GTF2IRD1: variants seen among roughly 807,000 people sequenced by gnomAD.
GTF2IRD1 encodes the protein general transcription factor II-I repeat domain-containing protein 1.
Under a neutral mutation model 113.2 loss-of-function variants are expected in GTF2IRD1, and 26 were observed. The ratio of observed to expected loss-of-function variants is 0.23; its 90% CI spans 0.17 to 0.32. GTF2IRD1 has a LOEUF of 0.32. Among genes scored for constraint, GTF2IRD1 ranks in the 10% least tolerant of loss-of-function variants. The pLI is 1.00. For synonymous variants in GTF2IRD1, 484 were observed against 529.1 expected (o/e 0.91, Z 1.17); for missense variants, 864 against 1,280.8 (o/e 0.67, Z 4.97).
rs782346208 is a variant in GTF2IRD1 at position 74,529,756 on chromosome 7, C to T, written c.1113C>T (p.His371=). Residue 371 remains histidine, a synonymous_variant, in exon 9 of 27, where the codon CAC becomes CAT. Transcript: ENST00000424337. ...SRYAEALGLD[H]MVPVPYRKIA... is the part of the protein sequence containing the mutation. ...CAGCGGAAGCCCTGGGCCTGGACCA[C>T]ATGGTCCCCGTGCCCTACCGGAAGA... 1.9e-5 allele frequency: 30 copies of T among 1,614,072 alleles called. No individual in the cohort carries two copies. In the South Asian group the frequency reaches 3.0e-4, roughly 16 times the overall value.
intron 22 of GTF2IRD1, among the ~76,000 whole-genome samples, chr7:74,572,880 C>T (rs1176265643): frequency 2.0e-5 from 3 of 152,252 alleles, no homozygotes; most frequent in South Asian, 4.1e-4. Context: ...ATCTGCGGGG[C>T]GGGGCTTGGA....
intron 1 of GTF2IRD1, among the ~76,000 whole-genome samples, chr7:74,491,481 C>T (rs1795341409): frequency 6.8e-6 from 1 of 147,772 alleles, no homozygotes; most frequent in Admixed American, 6.7e-5. Context: ...CTCCTCCCAC[C>T]CTCCACCTTC....
At chr7:74,599,291 C>T (rs1251997134) in intron 25 of GTF2IRD1, among the ~76,000 whole-genome samples, 2 of 152,056 alleles carry the variant, frequency 1.3e-5, no homozygotes, top group Non-Finnish European at 2.9e-5. Context: ...CAATAAAAGC[C>T]CTTCTTTATT....
intron 8 of GTF2IRD1, among the ~76,000 whole-genome samples, chr7:74,528,868 CAGATGGATGGATGGAT>C (rs1562838698): frequency 1.2e-5 from 1 of 80,462 alleles, no homozygotes; most frequent in Non-Finnish European, 2.3e-5. Context: ...GATGAATGGG[CAGATGGATGGATGGAT>C]GGATGGATGG....
At chr7:74,528,037 G>A (rs782785525) in intron 8 of GTF2IRD1, among the ~76,000 whole-genome samples, 10 of 152,100 alleles carry the variant, frequency 6.6e-5, no homozygotes, top group Non-Finnish European at 8.8e-5. Flanking sequence ...AATGAAGGGC[G>A]TGCCAAGCTC....
chr7:74,468,819 T>C (rs1296464096), intron 1 of GTF2IRD1, among the ~76,000 whole-genome samples: 3 of 151,350 alleles, frequency 2.0e-5, no homozygotes, highest in African/African-American at 2.4e-5. Flanking sequence ...GCGCGGTGGC[T>C]CACGCCTGTA....
At chr7:74,520,482 A>G (rs1482613150) in intron 6 of GTF2IRD1, among the ~76,000 whole-genome samples, 1 of 152,106 alleles carries the variant, frequency 6.6e-6, no homozygotes, top group Non-Finnish European at 1.5e-5. Context: ...ATTAAATGAC[A>G]GATCGGTGGC....
rs1562850820 is a variant in GTF2IRD1, at chr7:74,539,987, C to T, written c.1618+19C>T. On this transcript the variant is annotated intron_variant, in intron 14 of 26. Transcript: ENST00000424337. Reference sequence around the variant, plus strand: ...CTGACAGGTAAGAAATGGACCTGGGCTGGTGGTGCTTGGGACTCAGCTCTC... The same window carrying T: ...CTGACAGGTAAGAAATGGACCTGGGTTGGTGGTGCTTGGGACTCAGCTCTC... The T allele has an allele frequency of 6.4e-7, 1 of 1,566,504 alleles. No individual in the cohort carries two copies.
chr7:74,455,809 A>T (rs1554327094), intron 1 of GTF2IRD1, among the ~76,000 whole-genome samples: 1 of 152,122 alleles, frequency 6.6e-6, no homozygotes, highest in Non-Finnish European at 1.5e-5. Flanking sequence ...TGACCTAGAA[A>T]TTGGCAGTTC....
chr7:74,519,440 G>T lies in GTF2IRD1; in HGVS notation c.637G>T (p.Ala213Ser). Reference protein sequence around the residue: ...PLEDGGRDSKALVELNGVSLI... With the variant: ...PLEDGGRDSKSLVELNGVSLI... ...TGAGGATGGCGGGCGGGACTCGAAG[G>T]CCCTGGTGGAGCTGAACGGTGTCTC... Residue 213 changes from alanine to serine, a missense_variant, in exon 6 of 27, where the codon GCC becomes TCC. Around this residue, in one of 7 missense-constraint regions of GTF2IRD1, gnomAD observed 195 missense variants for 196.6 expected, o/e 0.99. Transcript: ENST00000424337. 1 of 1,549,602 alleles carries T rather than the reference G, an allele frequency of 6.5e-7. No individual in the cohort carries two copies. The highest frequency in any genetic ancestry group is 8.7e-7 in the Non-Finnish European group (1 of 1,149,038).
intron 1 of GTF2IRD1, among the ~76,000 whole-genome samples, chr7:74,467,315 G>T (rs536561425): frequency 1.3e-5 from 2 of 152,056 alleles, no homozygotes; most frequent in African/African-American, 4.8e-5. Context: ...TGCTTCTGCC[G>T]GCCTGGCTGT....
At position 74,571,238 on chromosome 7, in the gene GTF2IRD1, C is replaced by T. The variant is rs1800677538; in HGVS notation, c.2320+11583C>T. 9 of 451,220 alleles carry T rather than the reference C, an allele frequency of 2.0e-5. No homozygotes were observed. In the South Asian group the frequency reaches 2.8e-4, roughly 14 times the overall value. 28.0% of individuals were successfully genotyped at this position (451,220 alleles called of 1,614,324 possible). ...CTTGTAAAATGAGAAGAATTGCCCA[C>T]GCCACGTCTGCCTCCCCTGGGGCCA... On this transcript the variant is annotated intron_variant, in intron 22 of 26. Coordinates refer to ENST00000424337, the MANE Select transcript of GTF2IRD1 (RefSeq NM_005685.4).
intron 22 of GTF2IRD1, among the ~76,000 whole-genome samples, chr7:74,564,153 A>G (rs1800150572): frequency 6.6e-6 from 1 of 152,006 alleles, no homozygotes. Flanking sequence ...CAGCCTCCTG[A>G]GTAGCTGGAA....
chr7:74,555,451 G>A lies in GTF2IRD1; in HGVS notation c.1980G>A (p.Gly660=), dbSNP rs1207418306. The change falls in exon 19 of 27, where the codon GGG becomes GGA. Residue 660 remains glycine, a synonymous_variant. Transcript: ENST00000424337. This position sits in a 1 kb window ranked among gnomAD's most constrained non-coding sequence, Gnocchi z 5.3. Reference sequence around the variant, plus strand: ...CCCTGCCCCCAGAGAGGGATTCCGGGGACCCTCTGGTGGACGAGAGCCTGA... The same window carrying A: ...CCCTGCCCCCAGAGAGGGATTCCGGAGACCCTCTGGTGGACGAGAGCCTGA... ...PIMDSQERDS[G]DPLVDESLKR... is the part of the protein sequence containing the mutation. The A allele has an allele frequency of 6.2e-7, 1 of 1,613,546 alleles. No homozygotes were observed. The highest frequency in any genetic ancestry group is 8.5e-7 in the Non-Finnish European group (1 of 1,179,630).
At chr7:74,598,488 C>T (rs1273960876) in intron 25 of GTF2IRD1, among the ~76,000 whole-genome samples, 9 of 151,304 alleles carry the variant, frequency 5.9e-5, no homozygotes, top group Non-Finnish European at 1.3e-4. Context: ...TGGTGGTGGG[C>T]GCCTGTAATC....
At chr7:74,465,062 A>T (rs1793627736) in intron 1 of GTF2IRD1, among the ~76,000 whole-genome samples, 1 of 152,168 alleles carries the variant, frequency 6.6e-6, no homozygotes, top group Non-Finnish European at 1.5e-5. Flanking sequence ...TGACTCTCTC[A>T]GTCTGATGTT....
chr7:74,513,065 G>C, intron 3 of GTF2IRD1, 94 bp downstream of exon 3: 1 of 1,268,546 alleles, frequency 7.9e-7, no homozygotes, highest in South Asian at 1.4e-5. Flanking sequence ...GTCTAGCCAG[G>C]GTGGCGGTGT....
At chr7:74,550,503 G>A (rs1316034158) in intron 17 of GTF2IRD1, among the ~76,000 whole-genome samples, 2 of 151,654 alleles carry the variant, frequency 1.3e-5, no homozygotes, top group African/African-American at 2.4e-5. Context: ...TGGGAGGATC[G>A]CTTGAGCCAG....
Position 74,602,387 on chromosome 7 carries a change from A to C in GTF2IRD1, c.2789A>C (p.Asp930Ala). Residue 930 changes from aspartate (D) to alanine (A), a missense_variant, in exon 27 of 27, where the codon GAC becomes GCC. Asp to Ala is a moderately radical substitution (Grantham distance 126, BLOSUM62 -2). Around this residue, in one of 7 missense-constraint regions of GTF2IRD1, gnomAD observed 18 missense variants for 35.7 expected, o/e 0.50. Transcript: ENST00000424337. ...SLVQWPMYMV[D>A]YAGLNVQLPG... ...TAGCAATGGCCAATGTACATGGTGG[A>C]CTATGCCGGCCTGAACGTGCAGCTC... is the stretch of plus-strand genomic sequence containing the variant. The C allele has an allele frequency of 6.2e-7, 1 of 1,613,590 alleles. No homozygotes were observed. Among genetic ancestry groups the C allele is most frequent in the Non-Finnish European group, 8.5e-7 (1 of 1,179,584 alleles).
Sources: gnomAD v4.1 joint callset for allele counts (sites outside exome capture counted in the v4.1 genomes callset) on GRCh38, gnomAD v4.1.1 for gene constraint, gnomAD v4.1.1 regional missense constraint, Gnocchi (gnomAD v3.1) non-coding constraint, MANE v1.5 for transcripts, NCBI Gene and HGNC (gene_info 2026-07-23, HGNC 2026-07-21) for gene names.